Variants in CUL4A observed in about 807,000 individuals in gnomAD.
CUL4A encodes cullin 4A.
CUL4A carries 16 observed loss-of-function variants against 95.5 expected under a neutral mutation model. The observed-to-expected ratio is 0.17, with a 90% confidence interval of 0.11 to 0.25. The LOEUF (loss-of-function observed/expected upper bound fraction) is 0.25, where lower values mean the gene tolerates loss of function less well. CUL4A is among the 10% of genes least tolerant of loss of function. The pLI, the probability that CUL4A is intolerant of heterozygous loss-of-function variation, is 1.00. For missense variants in CUL4A, 610 were observed against 937.0 expected (o/e 0.65, Z 4.56); for synonymous variants, 380 against 353.1 (o/e 1.08, Z -0.85).
rs911069703 is a variant in CUL4A at position 113,244,276 on chromosome 13, A to G, written c.1229-134A>G. Reference sequence around the variant, plus strand: ...ACTTGAGAAGTACTTACCTTAGAAAATCAGATATTTGTTTTTTTGTCATAT... The same window carrying G: ...ACTTGAGAAGTACTTACCTTAGAAAGTCAGATATTTGTTTTTTTGTCATAT... On this transcript the variant is annotated intron_variant, in intron 11 of 19. Coordinates refer to ENST00000375440, the MANE Select transcript of CUL4A (RefSeq NM_001008895.4). The G allele has an allele frequency of 1.4e-5, 9 of 660,700 alleles. No homozygotes were observed. The Admixed American group carries it at 2.0e-4, about 15-fold the overall frequency. 40.9% of individuals were successfully genotyped at this position (660,700 alleles called of 1,614,324 possible).
At chr13:113,255,644 C>G (rs1455950868) in intron 18 of CUL4A, among the ~76,000 whole-genome samples, 1 of 152,130 alleles carries the variant, frequency 6.6e-6, no homozygotes. Flanking sequence ...GAATGCCGTA[C>G]AGTTGGAGTC....
At chr13:113,221,047 G>T (rs2040878913) in intron 3 of CUL4A, among the ~76,000 whole-genome samples, 1 of 152,208 alleles carries the variant, frequency 6.6e-6, no homozygotes, top group Non-Finnish European at 1.5e-5. Flanking sequence ...AGCATCTGGG[G>T]CAGAGCCTCC....
chr13:113,231,756 G>A (rs2041317817), intron 5 of CUL4A, among the ~76,000 whole-genome samples: 1 of 152,156 alleles, frequency 6.6e-6, no homozygotes, highest in African/African-American at 2.4e-5. Context: ...GAGCCCACAA[G>A]TCTGGCCACT....
At chr13:113,226,084 T>C (rs1017901721) in intron 3 of CUL4A, among the ~76,000 whole-genome samples, 5 of 152,234 alleles carry the variant, frequency 3.3e-5, no homozygotes, top group Non-Finnish European at 5.9e-5. Context: ...CAGCACTGTT[T>C]ATTCCTCCTC....
intron 15 of CUL4A, among the ~76,000 whole-genome samples, chr13:113,249,394 G>C (rs1185737401): frequency 4.7e-5 from 7 of 150,428 alleles, no homozygotes; most frequent in Admixed American, 4.0e-4. Flanking sequence ...TACCATACAT[G>C]AGCGCTTTAT....
At chr13:113,208,649 A>C, upstream of CUL4A, 2 of 1,604,482 alleles carry the variant, frequency 1.2e-6, no homozygotes, top group Non-Finnish European at 1.7e-6. Context: ...GCGCCGCCGA[A>C]CGGAGAGCGC....
chr13:113,223,289 T>C (rs1020677988), intron 3 of CUL4A, among the ~76,000 whole-genome samples: 1 of 152,228 alleles, frequency 6.6e-6, no homozygotes, highest in Non-Finnish European at 1.5e-5. Flanking sequence ...GCTGAGATAC[T>C]GTGTGGCAGG....
chr13:113,222,668 C>G (rs2040944129), intron 3 of CUL4A, among the ~76,000 whole-genome samples: 1 of 152,190 alleles, frequency 6.6e-6, no homozygotes, highest in African/African-American at 2.4e-5. Context: ...GTGGCTCACG[C>G]CTCTAACCTT....
intron 10 of CUL4A, among the ~76,000 whole-genome samples, chr13:113,239,901 C>G (rs1342791464): frequency 1.3e-5 from 2 of 152,248 alleles, no homozygotes; most frequent in Non-Finnish European, 2.9e-5. Flanking sequence ...CAGACATGAT[C>G]TCCTCATGCC....
intron 9 of CUL4A, 36 bp from the exon 10 acceptor site, chr13:113,239,397 A>G (rs1197465652): frequency 6.5e-7 from 1 of 1,534,662 alleles, no homozygotes; most frequent in Admixed American, 1.7e-5. Context: ...AATGCTGCCC[A>G]TGCTGTACTC....
rs769028227 is a variant in CUL4A at position 113,239,434 on chromosome 13, G to A, written c.918G>A (p.Gly306=). The A allele has an allele frequency of 6.2e-7, 1 of 1,613,622 alleles. No homozygotes were observed. The highest frequency in any genetic ancestry group is 2.2e-5 in the East Asian group (1 of 44,862). ...GCTGACGTGTACTGCACATCTCAGG[G>A]CTCGACCACTTACTGGATGAGAACA... is the stretch of plus-strand genomic sequence containing the variant. ...GEHLTAILQK[G]LDHLLDENRV... The change falls in exon 10 of 20, where the codon GGG becomes GGA. Residue 306 remains glycine (G), a splice_region_variant and synonymous_variant. Coordinates refer to ENST00000375440, the MANE Select transcript of CUL4A (RefSeq NM_001008895.4).
intron 18 of CUL4A, among the ~76,000 whole-genome samples, chr13:113,256,272 A>G (rs1048242017): frequency 6.6e-6 from 1 of 152,194 alleles, no homozygotes; most frequent in Non-Finnish European, 1.5e-5. Context: ...TTGCAGGAGC[A>G]CAGTGCCGGT....
At chr13:113,216,767 A>C (rs1405672608) in intron 2 of CUL4A, among the ~76,000 whole-genome samples, 1 of 152,218 alleles carries the variant, frequency 6.6e-6, no homozygotes, top group African/African-American at 2.4e-5. Flanking sequence ...AGCACAAAAA[A>C]GTCTTCCAGT....
intron 9 of CUL4A, among the ~76,000 whole-genome samples, chr13:113,238,921 C>T (rs193063392): frequency 2.0e-5 from 3 of 152,190 alleles, no homozygotes; most frequent in Admixed American, 6.5e-5. Flanking sequence ...TTCAGAAAAC[C>T]GTTATAAATA....
Position 113,266,013 on chromosome 13 carries a change from G to T in CUL4A, c.*2431G>T, listed in dbSNP as rs924866118. 6.6e-6 allele frequency: 1 copy of T among 151,968 alleles called. No homozygotes were observed. Among genetic ancestry groups the T allele is most frequent in the African/African-American group, 2.4e-5 (1 of 41,362 alleles). The allele number at this position is 151,968 out of a possible 1,614,324, so 9.4% of individuals were successfully genotyped here. On this transcript the variant is annotated 3_prime_UTR_variant, in exon 20 of 20. Coordinates refer to ENST00000375440, the MANE Select transcript of CUL4A (RefSeq NM_001008895.4). ...CCTATAAATATAGGCTATAATGGAG[G>T]GTCATTTTTTATTTTTATTTAGAGA...
chr13:113,257,010 C>T (rs532227435), intron 18 of CUL4A, among the ~76,000 whole-genome samples: 14 of 147,868 alleles, frequency 9.5e-5, no homozygotes, highest in African/African-American at 3.2e-4. Context: ...CTGCAACCTC[C>T]GTCCTCCGGG....
Position 113,260,745 on chromosome 13 carries a change from A to T in CUL4A, c.2170A>T (p.Lys724Ter). 1 of 1,580,052 alleles carries T rather than the reference A, an allele frequency of 6.3e-7. No individual in the cohort carries two copies. The highest frequency in any genetic ancestry group is 8.6e-7 in the Non-Finnish European group (1 of 1,163,550). Residue 724 changes from lysine (K) to a stop codon, truncating the protein, a stop_gained, in exon 19 of 20, where the codon AAA becomes TAA. Coordinates refer to ENST00000375440, the MANE Select transcript of CUL4A (RefSeq NM_001008895.4). LOFTEE classifies it high-confidence loss of function. ...AGTTTCTGAATTATATAATCAGCTG[A>T]AATTTCCAGTAAAGGTAAATGTAAC... The part of the protein sequence containing the change: ...LLVSELYNQL[K>*]FPVKPGDLKK...
chr13:113,209,701 C>T lies in CUL4A; in HGVS notation c.74C>T (p.Ala25Val). 8.7e-7 allele frequency: 1 copy of T among 1,154,154 alleles called. No individual in the cohort carries two copies. 71.5% of individuals were successfully genotyped at this position (1,154,154 alleles called of 1,614,324 possible). ...VGRTNGLTKP[A>V]ALAAAPAKPG... The stretch of plus-strand genomic sequence containing the variant: ...CGCACCAACGGCCTCACCAAGCCCG[C>T]GGCCCTGGCCGCCGCGCCCGCCAAG... The change falls in exon 1 of 20, where the codon GCG becomes GTG. Residue 25 changes from alanine (A) to valine (V), a missense_variant. Transcript: ENST00000375440.
At chr13:113,259,595 A>G (rs1281665082) in intron 18 of CUL4A, among the ~76,000 whole-genome samples, 1 of 152,176 alleles carries the variant, frequency 6.6e-6, no homozygotes, top group Non-Finnish European at 1.5e-5. Flanking sequence ...GCATCTATCA[A>G]GATGGTCATG....
Sources: gnomAD v4.1 joint callset for allele counts (sites outside exome capture counted in the v4.1 genomes callset) on GRCh38, gnomAD v4.1.1 for gene constraint, MANE v1.5 for transcripts, NCBI Gene and HGNC (gene_info 2026-07-23, HGNC 2026-07-21) for gene names.